Variants in CTNND2 observed in about 807,000 individuals in gnomAD.
CTNND2 encodes catenin delta-2.
A neutral mutation model predicts 144.4 loss-of-function variants in CTNND2; 22 were observed. The observed-to-expected ratio is 0.15, with a 90% CI of 0.11 to 0.22. The LOEUF (loss-of-function observed/expected upper bound fraction) is 0.22, where lower values mean the gene tolerates loss of function less well. CTNND2 is among the 10% of genes least tolerant of loss of function. The pLI, the probability that CTNND2 is intolerant of heterozygous loss-of-function variation, is 1.00. For missense variants in CTNND2, 1,353 were observed against 1,618.8 expected, an observed-to-expected ratio of 0.84 and a Z score of 2.82; for synonymous variants, 751 against 695.6, an observed-to-expected ratio of 1.08 and a Z score of -1.25.
chr5:11,763,659 A>G (rs1038369228), intron 1 of CTNND2, among the ~76,000 whole-genome samples: 1 of 152,242 alleles, frequency 6.6e-6, no homozygotes, highest in African/African-American at 2.4e-5. Context: ...AACATTTCAT[A>G]TTAGCAAATT....
At chr5:11,363,048 T>TC (rs1411562482) in intron 8 of CTNND2, among the ~76,000 whole-genome samples, 1 of 152,184 alleles carries the variant, frequency 6.6e-6, no homozygotes, top group Non-Finnish European at 1.5e-5. Flanking sequence ...TTTTGATTTT[T>TC]CCCCCCAATC....
intron 2 of CTNND2, among the ~76,000 whole-genome samples, chr5:11,694,437 A>C (rs890747993): frequency 6.6e-6 from 1 of 152,050 alleles, no homozygotes; most frequent in African/African-American, 2.4e-5. Context: ...CAAAAAAAAA[A>C]AAGAAAAAAA....
chr5:11,578,287 C>T (rs986593508), intron 2 of CTNND2, among the ~76,000 whole-genome samples: 1 of 152,144 alleles, frequency 6.6e-6, no homozygotes, highest in African/African-American at 2.4e-5. Context: ...GTACAATTAA[C>T]AGCCATATTG....
At chr5:11,674,413 T>C (rs1386106338) in intron 2 of CTNND2, among the ~76,000 whole-genome samples, 2 of 152,198 alleles carry the variant, frequency 1.3e-5, no homozygotes, top group South Asian at 2.1e-4. Flanking sequence ...GAAGGTACCA[T>C]GATTTCCCCT....
intron 7 of CTNND2, among the ~76,000 whole-genome samples, chr5:11,370,341 G>T (rs1757354717): frequency 6.6e-6 from 1 of 152,082 alleles, no homozygotes; most frequent in African/African-American, 2.4e-5. Flanking sequence ...ATGCATCAAT[G>T]CACATTTTAA....
At chr5:11,651,686 T>C (rs116691104) in intron 2 of CTNND2, among the ~76,000 whole-genome samples, 6,169 of 152,290 alleles carry the variant, frequency 0.041, 161 homozygotes, top group Non-Finnish European at 0.057. Context: ...CACCATGGCC[T>C]GGATGTGAGC....
intron 3 of CTNND2, among the ~76,000 whole-genome samples, chr5:11,478,086 T>C (rs903324874): frequency 9.2e-5 from 14 of 152,196 alleles, no homozygotes; most frequent in Non-Finnish European, 1.8e-4. Context: ...GGAATTATTT[T>C]TCATTATCTA....
chr5:11,019,873 A>G (rs1040317561), intron 17 of CTNND2, among the ~76,000 whole-genome samples: 1 of 152,248 alleles, frequency 6.6e-6, no homozygotes, highest in African/African-American at 2.4e-5. Context: ...GGGAAAAAAA[A>G]CCAAATGTAT....
chr5:11,492,491 CTATA>C (rs67244381), intron 3 of CTNND2, among the ~76,000 whole-genome samples: 16 of 134,314 alleles, frequency 1.2e-4, no homozygotes, highest in African/African-American at 4.0e-4. Context: ...CTTTCTACAG[CTATA>C]TATATATATA....
chr5:11,647,657 C>T (rs560966425), intron 2 of CTNND2, among the ~76,000 whole-genome samples: 2 of 152,248 alleles, frequency 1.3e-5, no homozygotes, highest in East Asian at 1.9e-4. Flanking sequence ...GCACCCCACA[C>T]AATTCTTTCT....
intron 15 of CTNND2, among the ~76,000 whole-genome samples, chr5:11,095,546 A>T (rs1751251344): frequency 6.6e-6 from 1 of 152,222 alleles, no homozygotes; most frequent in Admixed American, 6.5e-5. Context: ...AAATAATCAC[A>T]TTTGAATTTT....
chr5:11,895,379 A>G (rs1737311663), intron 1 of CTNND2, among the ~76,000 whole-genome samples: 1 of 152,190 alleles, frequency 6.6e-6, no homozygotes, highest in Non-Finnish European at 1.5e-5. Flanking sequence ...TTTTAAGTCC[A>G]TGGTCTCTTA....
intron 3 of CTNND2, among the ~76,000 whole-genome samples, chr5:11,554,198 CTT>C (rs1776019677): frequency 6.6e-6 from 1 of 152,098 alleles, no homozygotes; most frequent in African/African-American, 2.4e-5. Flanking sequence ...AACATAAACT[CTT>C]AAGCTTTTAA....
intron 12 of CTNND2, among the ~76,000 whole-genome samples, chr5:11,124,316 G>C (rs1331069195): frequency 6.6e-6 from 1 of 152,164 alleles, no homozygotes. Context: ...GCTCTTTGGA[G>C]TTTGATGCCT....
At chr5:11,808,266 A>AACTCCC (rs1328060180) in intron 1 of CTNND2, among the ~76,000 whole-genome samples, 6 of 152,184 alleles carry the variant, frequency 3.9e-5, no homozygotes, top group South Asian at 2.1e-4. Flanking sequence ...ATATTTAATG[A>AACTCCC]ACTCCCACCA....
chr5:11,499,640 C>A (rs1303954386), intron 3 of CTNND2, among the ~76,000 whole-genome samples: 1 of 152,162 alleles, frequency 6.6e-6, no homozygotes, highest in African/African-American at 2.4e-5. Flanking sequence ...ATGCCATTAT[C>A]CTGATTAATA....
At chr5:11,684,250 C>T (rs940665203) in intron 2 of CTNND2, among the ~76,000 whole-genome samples, 16 of 151,868 alleles carry the variant, frequency 1.1e-4, no homozygotes, top group African/African-American at 2.2e-4. Context: ...TACAGGCGCT[C>T]GCCACCACGC....
At position 11,412,017 on chromosome 5, in the gene CTNND2, C is replaced by T. The variant is rs752245752; in HGVS notation, c.322+18G>A. On this transcript the variant is annotated intron_variant, in intron 4 of 21. Transcript: ENST00000304623. ...TATGTTTAGAAGTGTAAGTGTTCAT[C>T]AATAAGATAGACATTACCTTGTGAC... 1 of 1,600,752 alleles carries T rather than the reference C, an allele frequency of 6.2e-7. No individual in the cohort carries two copies. Among genetic ancestry groups the T allele is most frequent in the Admixed American group, 1.7e-5 (1 of 59,944 alleles).
Position 10,981,780 on chromosome 5 carries a change from T to C in CTNND2, c.3410A>G (p.His1137Arg), listed in dbSNP as rs145274994. 1.2e-6 allele frequency: 2 copies of C among 1,613,612 alleles called. No individual in the cohort carries two copies. The highest frequency in any genetic ancestry group is 1.7e-6 in the Non-Finnish European group (2 of 1,179,560). The change falls in exon 21 of 22, where the codon CAC becomes CGC. Residue 1137 changes from histidine (H) to arginine (R), a missense_variant. His to Arg is a conservative substitution (Grantham distance 29, BLOSUM62 0). Transcript: ENST00000304623. ...SYGAPAEDIK[H>R]NQVSAQPVPQ... is the part of the protein sequence containing the mutation. Reference sequence around the variant, plus strand: ...GTGTTGCATTTACTTTACCTGGTTGTGTTTGATGTCTTCAGCGGGCGCACC... The same window carrying C: ...GTGTTGCATTTACTTTACCTGGTTGCGTTTGATGTCTTCAGCGGGCGCACC...
Sources: allele counts gnomAD v4.1 joint callset (sites outside exome capture counted in the v4.1 genomes callset), GRCh38; gene constraint gnomAD v4.1.1; transcripts MANE v1.5; gene names NCBI Gene and HGNC (gene_info 2026-07-23, HGNC 2026-07-21).